DOCK9: variants seen among roughly 807,000 people sequenced by gnomAD.
The protein encoded by DOCK9 is dedicator of cytokinesis protein 9.
A neutral mutation model predicts 263.3 loss-of-function variants in DOCK9; 89 were observed. The observed-to-expected ratio is 0.34, with a 90% CI of 0.28 to 0.40. The LOEUF is 0.40. Ranked by LOEUF, DOCK9 falls within the 10% of genes least tolerant of loss-of-function variation. The pLI, the probability that DOCK9 is intolerant of heterozygous loss-of-function variation, is 1.00. For missense variants in DOCK9, 2,140 were observed against 2,603.4 expected, an observed-to-expected ratio of 0.82 and a Z score of 3.87; for synonymous variants, 976 against 973.1, an observed-to-expected ratio of 1.00 and a Z score of -0.06.
chr13:98,832,122 C>A, intron 39 of DOCK9: 1 of 232,208 alleles, frequency 4.3e-6, no homozygotes, highest in Non-Finnish European at 8.4e-6. Context: ...ATCTTAATTC[C>A]AACAGAGAAG....
At chr13:98,932,637 C>A (rs1395087683) in intron 2 of DOCK9, among the ~76,000 whole-genome samples, 4 of 152,168 alleles carry the variant, frequency 2.6e-5, no homozygotes, top group African/African-American at 9.7e-5. Flanking sequence ...AACTTCAGGG[C>A]ATGTGTTTTG....
intron 1 of DOCK9, among the ~76,000 whole-genome samples, chr13:99,046,957 C>A (rs570792718): frequency 6.6e-6 from 1 of 152,354 alleles, no homozygotes; most frequent in Non-Finnish European, 1.5e-5. Flanking sequence ...TAAGGATGAG[C>A]GTGAAGAGAG....
At chr13:98,963,880 C>T (rs2058929586) in intron 1 of DOCK9, among the ~76,000 whole-genome samples, 1 of 152,240 alleles carries the variant, frequency 6.6e-6, no homozygotes, top group African/African-American at 2.4e-5. Context: ...AGCCTTCCTG[C>T]ACTCCTATCA....
intron 46 of DOCK9, 139 bp from the exon 47 acceptor site, chr13:98,809,604 TGTA>T (rs1340606515): frequency 7.3e-6 from 5 of 685,296 alleles, no homozygotes; most frequent in African/African-American, 7.3e-5. Flanking sequence ...CTGCACAACT[TGTA>T]GTGATCATTA....
rs1395752804 is a variant in DOCK9 at position 98,863,091 on chromosome 13, A to C, written c.3507T>G (p.Phe1169Leu). 2 of 1,611,680 alleles carry C rather than the reference A, an allele frequency of 1.2e-6. No homozygotes were observed. The highest frequency in any genetic ancestry group is 1.7e-4 in the Middle Eastern group (1 of 6,058). The change falls in exon 32 of 53, where the codon TTT becomes TTG. Residue 1169 changes from phenylalanine to leucine, a missense_variant. By Grantham distance (22) the Phe-to-Leu change is conservative. Around this residue, in one of 2 missense-constraint regions of DOCK9, gnomAD observed 1,521 missense variants for 1,741.7 expected, o/e 0.87. Transcript: ENST00000682017. ...GCTGGACGTTTTCAATCAGCAGACCAAACAGAGGCAGGTAGAGGGTGGCTA... is the reference window on the plus strand; with the variant it reads ...GCTGGACGTTTTCAATCAGCAGACCCAACAGAGGCAGGTAGAGGGTGGCTA... ...ARIATLYLPLFGLLIENVQRI... is the reference protein window; with the variant it reads ...ARIATLYLPLLGLLIENVQRI...
chr13:98,825,041 C>T lies in DOCK9; in HGVS notation c.5024-537G>A, dbSNP rs776680513. Among the ~76,000 whole-genome samples, 2 of 152,192 alleles carry T rather than the reference C, an allele frequency of 1.3e-5. No homozygotes were observed. Among genetic ancestry groups the T allele is most frequent in the Non-Finnish European group, 2.9e-5 (2 of 68,042 alleles). ...ATGGTGAGCAGACAGGCTGCCTTAG[C>T]TGGTTCCCACCCCAGAGGCCCCGGG... On this transcript the variant is annotated intron_variant, in intron 44 of 52. Transcript: ENST00000682017. The surrounding 1 kb of genome is among the most constrained non-coding windows in gnomAD (Gnocchi z 4.1).
At chr13:99,057,796 G>A (rs1383613772) in intron 1 of DOCK9, among the ~76,000 whole-genome samples, 1 of 152,166 alleles carries the variant, frequency 6.6e-6, no homozygotes, top group Non-Finnish European at 1.5e-5. Flanking sequence ...AGATCAGCAG[G>A]CACTCGCCTT....
At chr13:98,906,575 G>A (rs1413323079) in intron 9 of DOCK9, among the ~76,000 whole-genome samples, 1 of 152,176 alleles carries the variant, frequency 6.6e-6, no homozygotes, top group Non-Finnish European at 1.5e-5. Context: ...AAAGACATGA[G>A]TCACATCTCA....
intron 27 of DOCK9, among the ~76,000 whole-genome samples, chr13:98,875,408 C>T (rs905087990): frequency 6.6e-6 from 1 of 152,208 alleles, no homozygotes; most frequent in Admixed American, 6.5e-5. Flanking sequence ...CTTTCAAAAA[C>T]AGTTCTTTTC....
chr13:98,868,088 G>A, intron 28 of DOCK9, 77 bp from the exon 29 acceptor site: 13 of 1,540,874 alleles, frequency 8.4e-6, no homozygotes, highest in Non-Finnish European at 1.2e-5. Flanking sequence ...AGCATTTATT[G>A]CTAATAAGTT....
chr13:98,805,468 A>C (rs2090595879), intron 48 of DOCK9, among the ~76,000 whole-genome samples: 1 of 152,180 alleles, frequency 6.6e-6, no homozygotes, highest in Admixed American at 6.5e-5. Flanking sequence ...AACCATTTCA[A>C]AGTAAGTGGT....
In DOCK9 at chr13:98,913,497, A is replaced by T. The variant is rs532171872; in HGVS notation, c.960+831T>A. On this transcript the variant is annotated intron_variant, in intron 9 of 52. Transcript: ENST00000682017. ...ACAAATAAAAGGGGTAAATTTAAAA[A>T]TTTTTTAAAGTGCAGAATACATATG... Among the ~76,000 whole-genome samples, 5 of 152,318 alleles carry T rather than the reference A, an allele frequency of 3.3e-5. No individual in the cohort carries two copies. In the South Asian group the frequency reaches 6.2e-4, roughly 19 times the overall value.
chr13:99,061,650 C>T (rs541619916), intron 1 of DOCK9, among the ~76,000 whole-genome samples: 1 of 152,176 alleles, frequency 6.6e-6, no homozygotes, highest in East Asian at 1.9e-4. Context: ...TCACTGGGGG[C>T]CTGAGTATCC....
intron 2 of DOCK9, among the ~76,000 whole-genome samples, chr13:98,934,582 C>T (rs562171326): frequency 1.3e-5 from 2 of 152,340 alleles, no homozygotes; most frequent in East Asian, 3.9e-4. Flanking sequence ...ACACTAGGAA[C>T]ATCTCCAAGT....
chr13:99,086,458 G>C lies in DOCK9; in HGVS notation c.-107C>G. 4 of 754,296 alleles carry C rather than the reference G, an allele frequency of 5.3e-6. No homozygotes were observed. In the South Asian group the frequency reaches 2.3e-4, roughly 43 times the overall value. The allele number at this position is 754,296 out of a possible 1,614,324, so 46.7% of individuals were successfully genotyped here. A position where few individuals can be genotyped will look rare whatever the true frequency, so the allele number is the denominator to read the frequency against. On this transcript the variant is annotated 5_prime_UTR_variant, in exon 1 of 33. Transcript: ENST00000427887. ...CCGGCCCGCTCCGCCCGCCGCTCCC[G>C]GCGCCGCCGCCGCCTGCTCCCCCCG...
intron 1 of DOCK9, among the ~76,000 whole-genome samples, chr13:99,008,187 T>TCC (rs1883700093): frequency 3.6e-5 from 2 of 56,230 alleles, no homozygotes; most frequent in African/African-American, 1.3e-4. Context: ...TTGTGCAGCC[T>TCC]CTCTCTCTCT....
chr13:99,067,109 AG>A (rs2041456057), intron 1 of DOCK9, among the ~76,000 whole-genome samples: 1 of 152,194 alleles, frequency 6.6e-6, no homozygotes, highest in South Asian at 2.1e-4. Flanking sequence ...GCCAAGCGGC[AG>A]AGGACCCTAA....
chr13:98,832,016 A>G (rs1030083898), intron 39 of DOCK9: 5 of 536,212 alleles, frequency 9.3e-6, no homozygotes, highest in Non-Finnish European at 1.6e-5. Context: ...CAGAGTTGAA[A>G]GGAACACTTG....
chr13:99,070,758 A>G (rs1432142540), intron 1 of DOCK9, among the ~76,000 whole-genome samples: 2 of 152,236 alleles, frequency 1.3e-5, no homozygotes, highest in African/African-American at 2.4e-5. Flanking sequence ...CATGCACTAT[A>G]TCCTACTGCC....
Sources: gnomAD v4.1 joint callset for allele counts (sites outside exome capture counted in the v4.1 genomes callset) on GRCh38, gnomAD v4.1.1 for gene constraint, gnomAD v4.1.1 regional missense constraint, Gnocchi (gnomAD v3.1) non-coding constraint, MANE v1.5 for transcripts, NCBI Gene and HGNC (gene_info 2026-07-23, HGNC 2026-07-21) for gene names.